The following ITFG1 variants were observed in gnomAD, a reference collection of about 807,000 sequenced individuals.
ITFG1 encodes T-cell immunomodulatory protein.
Under a neutral mutation model 81.8 loss-of-function variants are expected in ITFG1, and 34 were observed. That is an observed-to-expected ratio of 0.42 (90% confidence interval 0.32 to 0.55). The LOEUF is 0.55. ITFG1 is among the 20% of genes least tolerant of loss of function. The pLI, the probability that ITFG1 is intolerant of heterozygous loss-of-function variation, is 0.17. For synonymous variants in ITFG1, 285 were observed against 270.6 expected, an observed-to-expected ratio of 1.05 and a Z score of -0.52; for missense variants, 672 against 755.4, an observed-to-expected ratio of 0.89 and a Z score of 1.29.
intron 14 of ITFG1, among the ~76,000 whole-genome samples, chr16:47,178,699 T>C (rs1396288740): frequency 2.6e-5 from 4 of 152,160 alleles, no homozygotes; most frequent in Non-Finnish European, 4.4e-5. Flanking sequence ...CCAAAAGCAA[T>C]GGCAACAAAA....
chr16:47,341,412 A>G (rs1472933207), intron 8 of ITFG1, among the ~76,000 whole-genome samples: 5 of 149,622 alleles, frequency 3.3e-5, no homozygotes, highest in Non-Finnish European at 7.4e-5. Flanking sequence ...AAAAAAAAAA[A>G]AAAAGAAAAA....
intron 12 of ITFG1, among the ~76,000 whole-genome samples, chr16:47,253,679 G>C (rs774693543): frequency 3.3e-5 from 5 of 152,146 alleles, no homozygotes; most frequent in Non-Finnish European, 7.4e-5. Flanking sequence ...ACACAACCTA[G>C]ATCCCTCACA....
intron 10 of ITFG1, among the ~76,000 whole-genome samples, chr16:47,310,110 T>C (rs1596881583): frequency 6.6e-6 from 1 of 152,284 alleles, no homozygotes; most frequent in East Asian, 1.9e-4. Flanking sequence ...CTTGGAAAAC[T>C]CTCCAAACAG....
intron 8 of ITFG1, among the ~76,000 whole-genome samples, chr16:47,341,748 C>T (rs1967788054): frequency 6.6e-6 from 1 of 152,158 alleles, no homozygotes; most frequent in Admixed American, 6.5e-5. Flanking sequence ...GGGTACATTA[C>T]TGTTGACTTT....
intron 8 of ITFG1, among the ~76,000 whole-genome samples, chr16:47,345,032 C>A (rs1026868838): frequency 2.0e-5 from 3 of 152,162 alleles, no homozygotes; most frequent in African/African-American, 7.2e-5. Context: ...AAGTTATGGT[C>A]TCTGTCTTCA....
At chr16:47,459,376 G>A (rs1969493007) in intron 1 of ITFG1, among the ~76,000 whole-genome samples, 1 of 152,190 alleles carries the variant, frequency 6.6e-6, no homozygotes, top group South Asian at 2.1e-4. Context: ...CAAAGTAGCA[G>A]AGAAATAGAA....
intron 5 of ITFG1, among the ~76,000 whole-genome samples, chr16:47,431,142 C>G (rs1170700864): frequency 1.3e-5 from 2 of 152,274 alleles, no homozygotes; most frequent in East Asian, 3.9e-4. Context: ...TCTATAGAGA[C>G]AGAAAGCAGA....
chr16:47,411,183 T>C (rs1968806065), intron 6 of ITFG1, among the ~76,000 whole-genome samples: 1 of 152,088 alleles, frequency 6.6e-6, no homozygotes, highest in Non-Finnish European at 1.5e-5. Context: ...GGAGCTCCAC[T>C]CTCAGAACAC....
chr16:47,419,099 G>T (rs1968908862), intron 6 of ITFG1, among the ~76,000 whole-genome samples: 1 of 152,148 alleles, frequency 6.6e-6, no homozygotes, highest in South Asian at 2.1e-4. Context: ...AATCTCACTA[G>T]TTCACGTTGT....
intron 6 of ITFG1, among the ~76,000 whole-genome samples, chr16:47,414,552 A>AAAC (rs10594135): frequency 1.5e-4 from 23 of 151,626 alleles, no homozygotes; most frequent in East Asian, 5.8e-4. Flanking sequence ...AACAAAAAAC[A>AAAC]AACAACAACA....
At chr16:47,269,576 A>G (rs1688378736) in intron 10 of ITFG1, among the ~76,000 whole-genome samples, 1 of 151,986 alleles carries the variant, frequency 6.6e-6, no homozygotes, top group African/African-American at 2.4e-5. Flanking sequence ...CTGACAAAAG[A>G]TGCATAAGAC....
chr16:47,155,593 T>G lies in ITFG1; in HGVS notation c.*126A>C, dbSNP rs997112594. 1 of 667,078 alleles carries G rather than the reference T, an allele frequency of 1.5e-6. No individual in the cohort carries two copies. The highest frequency in any genetic ancestry group is 1.8e-5 in the African/African-American group (1 of 54,212). 41.3% of individuals were successfully genotyped at this position (667,078 alleles called of 1,614,324 possible). On this transcript the variant is annotated 3_prime_UTR_variant, in exon 18 of 18. Coordinates refer to ENST00000320640, the MANE Select transcript of ITFG1 (RefSeq NM_030790.5). ...TCAAACCATATTTATTTGAATACTTTCCAATAATTACCATGGGATACATCA... is the reference window on the plus strand; with the variant it reads ...TCAAACCATATTTATTTGAATACTTGCCAATAATTACCATGGGATACATCA...
At chr16:47,319,844 T>C (rs1033780629) in intron 8 of ITFG1, among the ~76,000 whole-genome samples, 1 of 152,216 alleles carries the variant, frequency 6.6e-6, no homozygotes, top group Non-Finnish European at 1.5e-5. Context: ...AATATCTTAG[T>C]ATTAGTGTAA....
chr16:47,231,676 A>G (rs1965818038), intron 13 of ITFG1, among the ~76,000 whole-genome samples: 1 of 152,222 alleles, frequency 6.6e-6, no homozygotes, highest in African/African-American at 2.4e-5. Context: ...CAACAATAAC[A>G]TTGACAAATA....
At chr16:47,162,801 T>C (rs1227105198) in intron 14 of ITFG1, 137 bp from the exon 15 acceptor site, 2 of 710,314 alleles carry the variant, frequency 2.8e-6, no homozygotes, top group East Asian at 6.0e-5. Context: ...AAGATACAGG[T>C]CATTAATATT....
rs555112833 is a variant in ITFG1 at position 47,321,008 on chromosome 16, C to T, written c.803-7185G>A. Among the ~76,000 whole-genome samples, 7 of 152,290 alleles carry T rather than the reference C, an allele frequency of 4.6e-5. No homozygotes were observed. In the South Asian group the frequency reaches 1.5e-3, roughly 32 times the overall value. The stretch of plus-strand genomic sequence containing the variant: ...ATGGCTAAATATTTCTATCTACAAT[C>T]TGGAACTCTGAGTTCAAAAACAAAA... On this transcript the variant is annotated intron_variant, in intron 8 of 17. Coordinates refer to ENST00000320640, the MANE Select transcript of ITFG1 (RefSeq NM_030790.5).
intron 14 of ITFG1, among the ~76,000 whole-genome samples, chr16:47,192,380 T>C (rs1160833314): frequency 1.3e-5 from 2 of 152,208 alleles, no homozygotes; most frequent in South Asian, 2.1e-4. Context: ...TCTGTAGTAT[T>C]TGGGTTTCCC....
intron 12 of ITFG1, among the ~76,000 whole-genome samples, chr16:47,252,610 T>C (rs1314322263): frequency 6.6e-6 from 1 of 152,186 alleles, no homozygotes; most frequent in Non-Finnish European, 1.5e-5. Context: ...AATTCTGTAA[T>C]ACGCAAGGTC....
intron 7 of ITFG1, among the ~76,000 whole-genome samples, chr16:47,371,143 G>A (rs942196288): frequency 3.9e-5 from 6 of 152,154 alleles, no homozygotes; most frequent in Admixed American, 6.5e-5. Flanking sequence ...GAATTATTGT[G>A]TACTAATTTC....
Sources: gnomAD v4.1 joint callset for allele counts (sites outside exome capture counted in the v4.1 genomes callset) on GRCh38, gnomAD v4.1.1 for gene constraint, MANE v1.5 for transcripts, NCBI Gene and HGNC (gene_info 2026-07-23, HGNC 2026-07-21) for gene names.